The following WNK2 variants were observed in gnomAD, a reference collection of about 807,000 sequenced individuals.
WNK2 encodes serine/threonine-protein kinase WNK2.
A neutral mutation model predicts 192.1 loss-of-function variants in WNK2; 67 were observed. That is an observed-to-expected ratio of 0.35 (90% CI 0.29 to 0.43). The LOEUF is 0.43. WNK2 is among the 20% of genes least tolerant of loss of function. The pLI is 1.00. For missense variants in WNK2, 2,698 were observed against 3,089.7 expected (o/e 0.87, Z 3.01); for synonymous variants, 1,439 against 1,393.9 (o/e 1.03, Z -0.72).
chr9:93,258,119 C>T (rs1008766199), intron 11 of WNK2, among the ~76,000 whole-genome samples: 2 of 152,180 alleles, frequency 1.3e-5, no homozygotes, highest in African/African-American at 4.8e-5. Context: ...TTATCTTGCT[C>T]GTTCAGACAG....
chr9:93,318,650 T>G, intron 29 of WNK2: 1 of 1,549,338 alleles, frequency 6.5e-7, no homozygotes, highest in Non-Finnish European at 8.7e-7. Flanking sequence ...GGCTGCCCTC[T>G]CTCCTGCCCA....
chr9:93,259,833 CCGTG>C lies in WNK2; in HGVS notation c.3066+221_3066+224del, dbSNP rs1588251351. ...CGAATGGGTCAGGAGATGCAGGAGT[CCGTG>C]CCTGATAGGTTCTGTGTCCCTACCT... On this transcript the variant is annotated intron_variant, in intron 12 of 29. Coordinates refer to ENST00000427277, the MANE Select transcript of WNK2 (RefSeq NM_006648.4). The surrounding 1 kb of genome is among the most constrained non-coding windows in gnomAD (Gnocchi z 4.8). 6.6e-6 allele frequency among the ~76,000 whole-genome samples: 1 copy of C among 152,346 alleles called. No homozygotes were observed. The highest frequency in any genetic ancestry group is 1.9e-4 in the East Asian group (1 of 5,176).
intron 7 of WNK2, among the ~76,000 whole-genome samples, chr9:93,246,014 G>A (rs1330146011): frequency 6.6e-6 from 1 of 152,152 alleles, no homozygotes; most frequent in Admixed American, 6.6e-5. Context: ...AGAAACGGAG[G>A]GAGAGATGGG....
intron 12 of WNK2, among the ~76,000 whole-genome samples, chr9:93,260,463 A>G (rs1306196012): frequency 6.6e-6 from 1 of 152,060 alleles, no homozygotes; most frequent in Non-Finnish European, 1.5e-5. Flanking sequence ...TCAGCCCTGT[A>G]ACTGTGGCAC....
chr9:93,260,969 T>C (rs1844133405), intron 12 of WNK2, among the ~76,000 whole-genome samples: 1 of 152,202 alleles, frequency 6.6e-6, no homozygotes, highest in Non-Finnish European at 1.5e-5. Context: ...TGAGGGTCAC[T>C]GCCAGACTCA....
At chr9:93,300,928 G>GCTC (rs1044714602) in intron 26 of WNK2, among the ~76,000 whole-genome samples, 3 of 152,140 alleles carry the variant, frequency 2.0e-5, no homozygotes, top group Non-Finnish European at 4.4e-5. Context: ...TGCTTGGCCG[G>GCTC]CTCCTCCTCC....
intron 19 of WNK2, among the ~76,000 whole-genome samples, chr9:93,271,297 T>A (rs975749216): frequency 6.6e-6 from 1 of 152,240 alleles, no homozygotes; most frequent in Admixed American, 6.5e-5. Context: ...ACATTCATCA[T>A]AAGGTTTAAA....
intron 13 of WNK2, 81 bp downstream of exon 13, chr9:93,262,188 G>A: frequency 2.7e-6 from 4 of 1,461,340 alleles, no homozygotes; most frequent in Non-Finnish European, 3.6e-6. Flanking sequence ...TGGGGTCTTA[G>A]TCCTAGAGGT....
Position 93,235,036 on chromosome 9 carries a change from C to A in WNK2, c.1233+71C>A. 10 of 1,562,574 alleles carry A rather than the reference C, an allele frequency of 6.4e-6. No individual in the cohort carries two copies. The South Asian group carries it at 1.2e-4, about 18-fold the overall frequency. ...CTTGGGCCGTACCCTGGGCTGGGCTCCATGTGGCTCTGTAAAGCCATCCTG... is the reference window on the plus strand; with the variant it reads ...CTTGGGCCGTACCCTGGGCTGGGCTACATGTGGCTCTGTAAAGCCATCCTG... On this transcript the variant is annotated intron_variant, in intron 5 of 29. Coordinates refer to ENST00000427277, the MANE Select transcript of WNK2 (RefSeq NM_006648.4).
intron 26 of WNK2, among the ~76,000 whole-genome samples, chr9:93,302,212 C>T (rs1464861478): frequency 2.0e-5 from 3 of 152,162 alleles, no homozygotes; most frequent in Non-Finnish European, 2.9e-5. Context: ...CAGGGGTGGG[C>T]GCAGCCCTGT....
At chr9:93,191,502 G>A (rs1200260034) in intron 2 of WNK2, among the ~76,000 whole-genome samples, 1 of 152,110 alleles carries the variant, frequency 6.6e-6, no homozygotes, top group Non-Finnish European at 1.5e-5. Context: ...GAGCGAGGCT[G>A]GAGGAGGGGC....
At chr9:93,194,705 TA>T (rs1240461949) in intron 2 of WNK2, among the ~76,000 whole-genome samples, 1 of 152,218 alleles carries the variant, frequency 6.6e-6, no homozygotes, top group African/African-American at 2.4e-5. Flanking sequence ...CGTTCCTTGG[TA>T]TTTACCCAAA....
rs1381442581 is a variant in WNK2 at position 93,229,376 on chromosome 9, T to C, written c.682-320T>C. ...CACAAACACACAGAAAGTGAGTGAT[T>C]GTGGAGGAGGCAAAGGCCTCAGAGG... On this transcript the variant is annotated intron_variant, in intron 2 of 29. Coordinates refer to ENST00000427277, the MANE Select transcript of WNK2 (RefSeq NM_006648.4). This position sits in a 1 kb window ranked among gnomAD's most constrained non-coding sequence, Gnocchi z 4.9. 1.3e-5 allele frequency among the ~76,000 whole-genome samples: 2 copies of C among 152,194 alleles called. No homozygotes were observed. Among genetic ancestry groups the C allele is most frequent in the African/African-American group, 4.8e-5 (2 of 41,444 alleles).
Position 93,292,975 on chromosome 9 carries a change from T to G in WNK2, c.5510T>G (p.Val1837Gly), listed in dbSNP as rs780183597. Residue 1837 changes from valine to glycine, a missense_variant, in exon 23 of 30, where the codon GTG becomes GGG. Val to Gly is a moderately radical substitution (Grantham distance 109, BLOSUM62 -3). Around this residue, in one of 7 missense-constraint regions of WNK2, gnomAD observed 1,098 missense variants for 1,101.0 expected, o/e 1.00. Coordinates refer to ENST00000427277, the MANE Select transcript of WNK2 (RefSeq NM_006648.4). Reference protein sequence around the residue: ...PVSGSVAGDFVKKATAFLQRP... With the variant: ...PVSGSVAGDFGKKATAFLQRP... ...AGTGGCAGCGTGGCTGGCGACTTCG[T>G]GAAGAAGGCCACCGCCTTCCTGCAG... 3.2e-6 allele frequency: 5 copies of G among 1,544,704 alleles called. No homozygotes were observed. The highest frequency in any genetic ancestry group is 1.7e-4 in the Middle Eastern group (1 of 5,756).
intron 29 of WNK2, among the ~76,000 whole-genome samples, chr9:93,319,551 G>A (rs1470518834): frequency 2.6e-5 from 4 of 152,264 alleles, no homozygotes; most frequent in African/African-American, 9.6e-5. Context: ...CATGATGGAG[G>A]GAGCCAGCCT....
Position 93,239,697 on chromosome 9 carries a change from G to A in WNK2, c.1323-60G>A, listed in dbSNP as rs1840424803. On this transcript the variant is annotated intron_variant, in intron 6 of 29. Transcript: ENST00000427277. This position sits in a 1 kb window ranked among gnomAD's most constrained non-coding sequence, Gnocchi z 4.2. ...CTTGTCCTGGTGCGCATGGACACAG[G>A]AGCCTGGGCATGGAGGCCCTGGCGC... 4.1e-6 allele frequency: 6 copies of A among 1,468,392 alleles called. No homozygotes were observed. Among genetic ancestry groups the A allele is most frequent in the Non-Finnish European group, 5.5e-6 (6 of 1,081,798 alleles). 91.0% of individuals were successfully genotyped at this position (1,468,392 alleles called of 1,614,324 possible).
At chr9:93,314,415 T>C (rs1854231069) in intron 28 of WNK2, among the ~76,000 whole-genome samples, 1 of 149,620 alleles carries the variant, frequency 6.7e-6, no homozygotes, top group African/African-American at 2.5e-5. Context: ...GCCACTGCAC[T>C]CCAGCCTGGC....
At chr9:93,218,531 A>G (rs375075088) in intron 2 of WNK2, among the ~76,000 whole-genome samples, 379 of 152,248 alleles carry the variant, frequency 2.5e-3, no homozygotes, top group African/African-American at 8.6e-3. Flanking sequence ...GGATGGCCCC[A>G]TGGGGATTTC....
rs565897112 is a variant in WNK2 at position 93,245,511 on chromosome 9, C to CG, written c.1543-2028dup. ...GGGGCTGAGTTTGCATGTGTTTCCC[C>CG]GGGGTGCACAGCTTCACCCGCCAGT... is the stretch of plus-strand genomic sequence containing the variant. On this transcript the variant is annotated intron_variant, in intron 7 of 29. Coordinates refer to ENST00000427277, the MANE Select transcript of WNK2 (RefSeq NM_006648.4). Among the ~76,000 whole-genome samples the CG allele has an allele frequency of 4.1e-3, 618 of 152,292 alleles. 4 individuals carry two copies. The highest frequency in any genetic ancestry group is 0.014 in the African/African-American group (582 of 41,544).
Sources: gnomAD v4.1 joint callset for allele counts (sites outside exome capture counted in the v4.1 genomes callset) on GRCh38, gnomAD v4.1.1 for gene constraint, gnomAD v4.1.1 regional missense constraint, Gnocchi (gnomAD v3.1) non-coding constraint, MANE v1.5 for transcripts, NCBI Gene and HGNC (gene_info 2026-07-23, HGNC 2026-07-21) for gene names.